NOTCH4: variants seen among roughly 807,000 people sequenced by gnomAD.
NOTCH4 encodes notch receptor 4.
In NOTCH4, 138 loss-of-function variants were observed where a neutral mutation model predicts 189.0. That is an observed-to-expected ratio of 0.73 (90% CI 0.64 to 0.84). The LOEUF (loss-of-function observed/expected upper bound fraction) is 0.84. Ranked by LOEUF, NOTCH4 falls within the 40% of genes least tolerant of loss-of-function variation. The pLI is 0.00. For synonymous variants in NOTCH4, 942 were observed against 1,032.8 expected (o/e 0.91, Z 1.69); for missense variants, 2,286 against 2,605.4 (o/e 0.88, Z 2.67).
intron 27 of NOTCH4, 51 bp from the exon 28 acceptor site, chr6:32,197,123 C>G: frequency 6.3e-7 from 1 of 1,598,656 alleles, no homozygotes; most frequent in South Asian, 1.1e-5. Flanking sequence ...ACTGCCAACT[C>G]GAGTTCCTTA....
In NOTCH4 at chr6:32,212,479, C is replaced by T. The variant is rs757665941; in HGVS notation, c.2675G>A (p.Ser892Asn). 3 of 1,608,536 alleles carry T rather than the reference C, an allele frequency of 1.9e-6. No homozygotes were observed. The highest frequency in any genetic ancestry group is 2.5e-6 in the Non-Finnish European group (3 of 1,177,894). Residue 892 changes from serine to asparagine, a missense_variant, in exon 17 of 30, where the codon AGC (serine) becomes AAC (asparagine). Transcript: ENST00000375023. This position sits in a 1 kb window ranked among gnomAD's most constrained non-coding sequence, Gnocchi z 4.4. ...TCAGTGCCGGCGTTGGTTACCTTGG[C>T]TCAGTGCAGCCTTCTGGCAGGAGGA... ...PLSSCQKAALSQGIDVSSLCH... is the reference protein window; with the variant it reads ...PLSSCQKAALNQGIDVSSLCH...
intron 11 of NOTCH4, chr6:32,216,739 A>C (rs1582815256): frequency 3.1e-6 from 2 of 652,950 alleles, no homozygotes; most frequent in African/African-American, 3.6e-5. Context: ...CACCATTTAC[A>C]CTGGGCCCAT....
rs2127464522 is a variant in NOTCH4 at position 32,200,199 on chromosome 6, T to G, written c.4315+632A>C. Among the ~76,000 whole-genome samples, 1 of 150,604 alleles carries G rather than the reference T, an allele frequency of 6.6e-6. No homozygotes were observed. The highest frequency in any genetic ancestry group is 2.4e-5 in the African/African-American group (1 of 41,172). On this transcript the variant is annotated intron_variant, in intron 23 of 29. Transcript: ENST00000375023. This position sits in a 1 kb window ranked among gnomAD's most constrained non-coding sequence, Gnocchi z 5.0. ...GCTTAGAGTAAGGCACAAAGTACGA[T>G]ATAGCAGTTATTTTTCTTTTTTTTT...
chr6:32,215,083 C>T (rs756803769), intron 12 of NOTCH4, 143 bp downstream of exon 12: 28 of 737,844 alleles, frequency 3.8e-5, no homozygotes, highest in Non-Finnish European at 5.1e-5. Flanking sequence ...CCTCCCACTG[C>T]CTTGCCCTAA....
chr6:32,214,308 C>T, intron 12 of NOTCH4, 53 bp from the exon 13 acceptor site: 1 of 1,592,582 alleles, frequency 6.3e-7, no homozygotes, highest in Non-Finnish European at 8.6e-7. Context: ...TGCTTATGTT[C>T]CCCTCCCTGC....
At position 32,202,286 on chromosome 6, in the gene NOTCH4, C is replaced by T; in HGVS notation, c.3545G>A (p.Ser1182Asn). The T allele has an allele frequency of 1.2e-6, 2 of 1,604,048 alleles. No individual in the cohort carries two copies. The highest frequency in any genetic ancestry group is 1.7e-6 in the Non-Finnish European group (2 of 1,173,340). ...KPGAKGCEGR[S>N]GDGACDAGCS... is the part of the protein sequence containing the mutation. ...GCCAGCATCGCAGGCCCCATCTCCA[C>T]TTCTGCCCTCACACCCCTTGGCTCC... Residue 1182 changes from serine (S) to asparagine (N), a missense_variant, in exon 21 of 30, where the codon AGT (serine) becomes AAT (asparagine). This residue lies in a region of NOTCH4 where 1,903 missense variants were observed against 2,261.9 expected (regional missense o/e 0.84). Transcript: ENST00000375023. This position sits in a 1 kb window ranked among gnomAD's most constrained non-coding sequence, Gnocchi z 5.7.
Position 32,213,798 on chromosome 6 carries a change from G to A in NOTCH4, c.2210C>T (p.Pro737Leu). 2 of 1,612,066 alleles carry A rather than the reference G, an allele frequency of 1.2e-6. No homozygotes were observed. The highest frequency in any genetic ancestry group is 1.1e-5 in the South Asian group (1 of 91,016). The change falls in exon 14 of 30, where the codon CCA becomes CTA. Residue 737 changes from proline (P) to leucine (L), a missense_variant. Pro to Leu is a moderately conservative substitution (Grantham distance 98). Coordinates refer to ENST00000375023, the MANE Select transcript of NOTCH4 (RefSeq NM_004557.4). ...GTTGCAGGAGCCGCCATTGAGACAT[G>A]GCCCTGAGTGACAAGCTGTCATCTC... ...SEEMTACHSG[P>L]CLNGGSCNPS...
rs1239891312 is a variant in NOTCH4 at position 32,212,711 on chromosome 6, G to A, written c.2527-84C>T. Reference sequence around the variant, plus strand: ...GGTCCTCTGCCCACTCCAGCTCCTCGAAATCCCTTACTTCAAAAACCTTCT... The same window carrying A: ...GGTCCTCTGCCCACTCCAGCTCCTCAAAATCCCTTACTTCAAAAACCTTCT... On this transcript the variant is annotated intron_variant, in intron 16 of 29. Transcript: ENST00000375023. This position sits in a 1 kb window ranked among gnomAD's most constrained non-coding sequence, Gnocchi z 4.4. 7.9e-6 allele frequency: 12 copies of A among 1,511,820 alleles called. No individual in the cohort carries two copies. The highest frequency in any genetic ancestry group is 1.3e-5 in the South Asian group (1 of 78,006). 93.7% of individuals were successfully genotyped at this position (1,511,820 alleles called of 1,614,324 possible). A position where few individuals can be genotyped will look rare whatever the true frequency, so the allele number is the denominator to read the frequency against.
In NOTCH4 at chr6:32,217,249, A is replaced by G. The variant is rs543273047; in HGVS notation, c.1642T>C (p.Cys548Arg). 6.2e-7 allele frequency: 1 copy of G among 1,611,048 alleles called. No homozygotes were observed. The highest frequency in any genetic ancestry group is 2.2e-5 in the East Asian group (1 of 44,854). The change falls in exon 10 of 30, where the codon TGT becomes CGT. Residue 548 changes from cysteine to arginine, a missense_variant. Cys to Arg is a radical substitution (Grantham distance 180). Around this residue, in one of 2 missense-constraint regions of NOTCH4, gnomAD observed 1,903 missense variants for 2,261.9 expected, o/e 0.84. Coordinates refer to ENST00000375023, the MANE Select transcript of NOTCH4 (RefSeq NM_004557.4). This position sits in a 1 kb window ranked among gnomAD's most constrained non-coding sequence, Gnocchi z 4.2. Reference protein sequence around the residue: ...ICLPGFSGTRCEEDIDECRSS... With the variant: ...ICLPGFSGTRREEDIDECRSS... ...CTGCACTCATCGATATCCTCCTCAC[A>G]TCGGGTGCCGGAGAATCCTGGTGGG...
Position 32,217,410 on chromosome 6 carries a change from A to G in NOTCH4, c.1625-144T>C, listed in dbSNP as rs1311049491. 1 of 621,542 alleles carries G rather than the reference A, an allele frequency of 1.6e-6. No homozygotes were observed. Among genetic ancestry groups the G allele is most frequent in the Admixed American group, 2.8e-5 (1 of 36,248 alleles). The allele number at this position is 621,542 out of a possible 1,614,324, so 38.5% of individuals were successfully genotyped here. ...GCAGGTGAGCGTGGGGTGACAGGAG[A>G]TGATGCAGAAAAGGTGAAGCTCAGC... On this transcript the variant is annotated intron_variant, in intron 9 of 29. Transcript: ENST00000375023. The surrounding 1 kb of genome is among the most constrained non-coding windows in gnomAD (Gnocchi z 4.2).
Position 32,215,337 on chromosome 6 carries a change from T to C in NOTCH4, c.1910A>G (p.Lys637Arg), listed in dbSNP as rs748956143. The C allele has an allele frequency of 4.3e-6, 7 of 1,610,738 alleles. No individual in the cohort carries two copies. Among genetic ancestry groups the C allele is most frequent in the African/African-American group, 2.7e-5 (2 of 74,894 alleles). Reference protein sequence around the residue: ...PLCAPNLCQPKQICKDQKDKA... With the variant: ...PLCAPNLCQPRQICKDQKDKA... ...GTCTTTCTGGTCCTTACATATCTGC[T>C]TGGGCTGGCACAGGTTGGGAGCACA... Residue 637 changes from lysine (K) to arginine (R), a missense_variant, in exon 12 of 30, where the codon AAG (lysine) becomes AGG (arginine). Lys to Arg is a conservative substitution (Grantham distance 26). This residue lies in a region of NOTCH4 where 1,903 missense variants were observed against 2,261.9 expected (regional missense o/e 0.84). Coordinates refer to ENST00000375023, the MANE Select transcript of NOTCH4 (RefSeq NM_004557.4).
Position 32,202,463 on chromosome 6 carries a change from G to A in NOTCH4, c.3368C>T (p.Pro1123Leu). Residue 1123 changes from proline (P) to leucine (L), a missense_variant, in exon 21 of 30, where the codon CCT (proline) becomes CTT (leucine). Pro to Leu is a moderately conservative substitution (Grantham distance 98). Coordinates refer to ENST00000375023, the MANE Select transcript of NOTCH4 (RefSeq NM_004557.4). This position sits in a 1 kb window ranked among gnomAD's most constrained non-coding sequence, Gnocchi z 5.7. ...RCACLSGYGG[P>L]DCLTPPAPKG... Reference sequence around the variant, plus strand: ...AGGAGCTGGTGGGGTCAGGCAGTCAGGACCCCCATAGCCACTGAGGCAGGC... The same window carrying A: ...AGGAGCTGGTGGGGTCAGGCAGTCAAGACCCCCATAGCCACTGAGGCAGGC... 6.2e-7 allele frequency: 1 copy of A among 1,612,462 alleles called. No individual in the cohort carries two copies. Among genetic ancestry groups the A allele is most frequent in the Non-Finnish European group, 8.5e-7 (1 of 1,179,766 alleles).
In NOTCH4 at chr6:32,196,159, A is replaced by C. The variant is rs751197788; in HGVS notation, c.5299-9T>G. 13 of 1,590,004 alleles carry C rather than the reference A, an allele frequency of 8.2e-6. No homozygotes were observed. Among genetic ancestry groups the C allele is most frequent in the Non-Finnish European group, 9.4e-6 (11 of 1,173,778 alleles). On this transcript the variant is annotated splice_polypyrimidine_tract_variant and intron_variant, in intron 29 of 29. Coordinates refer to ENST00000375023, the MANE Select transcript of NOTCH4 (RefSeq NM_004557.4). ...AATAGCGGCGTCTGCTCCTGTACAGAAGAGCCAGGGCCGATATCAGGGAAG... is the reference window on the plus strand; with the variant it reads ...AATAGCGGCGTCTGCTCCTGTACAGCAGAGCCAGGGCCGATATCAGGGAAG...
rs375070515 is a variant in NOTCH4 at position 32,197,505 on chromosome 6, A to G, written c.4846T>C (p.Trp1616Arg). The change falls in exon 27 of 30, where the codon TGG becomes CGG. Residue 1616 changes from tryptophan to arginine, a missense_variant. Trp to Arg is a moderately radical substitution (Grantham distance 101). Coordinates refer to ENST00000375023, the MANE Select transcript of NOTCH4 (RefSeq NM_004557.4). ...GCCCCTCCATCCAGCAGAGGTTCCC[A>G]GGGCTCAGGACATCCCAACCATGCC... ...QGAWLGCPEP[W>R]EPLLDGGACP... is the part of the protein sequence containing the mutation. 5.0e-6 allele frequency: 8 copies of G among 1,608,022 alleles called. No individual in the cohort carries two copies. The African/African-American group carries it at 5.4e-5, about 11-fold the overall frequency.
In NOTCH4 at chr6:32,196,403, C is replaced by T; in HGVS notation, c.5219G>A (p.Trp1740Ter). 6.2e-7 allele frequency: 1 copy of T among 1,613,058 alleles called. No homozygotes were observed. The highest frequency in any genetic ancestry group is 8.5e-7 in the Non-Finnish European group (1 of 1,180,020). The change falls in exon 29 of 30, where the codon TGG (tryptophan) becomes TAG (stop). Residue 1740 changes from tryptophan to a stop codon, truncating the protein, a stop_gained. Coordinates refer to ENST00000375023, the MANE Select transcript of NOTCH4 (RefSeq NM_004557.4). LOFTEE classifies it high-confidence loss of function. ...TCGGGCGTTGTTCACGGCAGCAGCC[C>T]AGTGCAGCGCAGTTTTCCCTAGGGG... Reference protein sequence around the residue: ...RDKWGKTALHWAAAVNNARAA... With the variant: ...RDKWGKTALH
chr6:32,203,958 G>T, intron 19 of NOTCH4, 76 bp from the exon 20 acceptor site: 1 of 1,461,880 alleles, frequency 6.8e-7, no homozygotes, highest in Non-Finnish European at 9.4e-7. Flanking sequence ...CCTGGATGTT[G>T]GCCCAGTGCT....
Position 32,212,711 on chromosome 6 carries a change from G to T in NOTCH4, c.2527-84C>A. The T allele has an allele frequency of 1.3e-6, 2 of 1,511,822 alleles. No individual in the cohort carries two copies. The highest frequency in any genetic ancestry group is 1.8e-6 in the Non-Finnish European group (2 of 1,120,286). The allele number at this position is 1,511,822 out of a possible 1,614,324, so 93.7% of individuals were successfully genotyped here. A position where few individuals can be genotyped will look rare whatever the true frequency, so the allele number is the denominator to read the frequency against. ...GGTCCTCTGCCCACTCCAGCTCCTC[G>T]AAATCCCTTACTTCAAAAACCTTCT... On this transcript the variant is annotated intron_variant, in intron 16 of 29. Transcript: ENST00000375023. This position sits in a 1 kb window ranked among gnomAD's most constrained non-coding sequence, Gnocchi z 4.4.
intron 18 of NOTCH4, among the ~76,000 whole-genome samples, chr6:32,207,841 A>G (rs1788785440): frequency 6.6e-6 from 1 of 151,776 alleles, no homozygotes. Flanking sequence ...GTCTCTACTA[A>G]AAATACAAAA....
chr6:32,222,906 C>A, intron 2 of NOTCH4, 99 bp downstream of exon 2: 1 of 1,550,474 alleles, frequency 6.4e-7, no homozygotes. Context: ...ATCTCCTTCA[C>A]TTCCTCTCTT....
Sources: allele counts gnomAD v4.1 joint callset (sites outside exome capture counted in the v4.1 genomes callset), GRCh38; gene constraint gnomAD v4.1.1; regional missense constraint gnomAD v4.1.1; non-coding constraint Gnocchi (gnomAD v3.1); transcripts MANE v1.5; gene names NCBI Gene and HGNC (gene_info 2026-07-23, HGNC 2026-07-21).